The following XPR1 variants were observed in gnomAD, a reference collection of about 807,000 sequenced individuals.
XPR1 encodes the protein xenotropic and polytropic retrovirus receptor 1, also known as solute carrier family 53 member 1.
A neutral mutation model predicts 87.5 loss-of-function variants in XPR1; 28 were observed. The ratio of observed to expected loss-of-function variants is 0.32; its 90% CI spans 0.24 to 0.44. The LOEUF (loss-of-function observed/expected upper bound fraction) is 0.44, where lower values mean the gene tolerates loss of function less well. Among genes scored for constraint, XPR1 ranks in the 20% least tolerant of loss-of-function variants. The pLI is 1.00. For synonymous variants in XPR1, 300 were observed against 306.1 expected, an observed-to-expected ratio of 0.98 and a Z score of 0.21; for missense variants, 559 against 862.3, an observed-to-expected ratio of 0.65 and a Z score of 4.41.
intron 7 of XPR1, among the ~76,000 whole-genome samples, chr1:180,821,076 T>A (rs1189266819): frequency 6.6e-6 from 1 of 152,180 alleles, no homozygotes; most frequent in Admixed American, 6.6e-5. Context: ...TTTATCTGTT[T>A]TTCCTTTTGT....
At chr1:180,673,715 T>C (rs1306034306) in intron 1 of XPR1, among the ~76,000 whole-genome samples, 1 of 152,200 alleles carries the variant, frequency 6.6e-6, no homozygotes, top group African/African-American at 2.4e-5. Context: ...TAACTAATTA[T>C]CTGAAGTGGA....
chr1:180,820,383 AT>A (rs1650582556), intron 7 of XPR1, among the ~76,000 whole-genome samples: 2 of 152,196 alleles, frequency 1.3e-5, no homozygotes, highest in South Asian at 4.1e-4. Flanking sequence ...AATATGTGGT[AT>A]TTTGTGTTTG....
intron 1 of XPR1, among the ~76,000 whole-genome samples, chr1:180,636,634 T>G (rs1256261768): frequency 2.6e-5 from 4 of 152,214 alleles, no homozygotes; most frequent in African/African-American, 7.2e-5. Context: ...AATTCAGTCC[T>G]AATCTGGGAA....
intron 3 of XPR1, among the ~76,000 whole-genome samples, chr1:180,788,715 AT>A (rs996620313): frequency 2.9e-5 from 4 of 139,958 alleles, no homozygotes; most frequent in Non-Finnish European, 6.3e-5. Flanking sequence ...AAATTACTCT[AT>A]TTTTTATTTT....
At chr1:180,824,675 G>A in intron 7 of XPR1, 78 bp from the exon 8 acceptor site, 3 of 1,281,540 alleles carry the variant, frequency 2.3e-6, no homozygotes, top group African/African-American at 3.0e-5. Context: ...CTATATCATT[G>A]AGAATGAAGA....
chr1:180,652,448 T>G (rs73049466), intron 1 of XPR1, among the ~76,000 whole-genome samples: 6,545 of 152,258 alleles, frequency 0.043, 501 homozygotes, highest in African/African-American at 0.15. Flanking sequence ...AATAGGATTG[T>G]TAGACAAAGA....
intron 2 of XPR1, among the ~76,000 whole-genome samples, chr1:180,703,878 G>A (rs1332733009): frequency 2.0e-5 from 3 of 152,046 alleles, no homozygotes; most frequent in Non-Finnish European, 2.9e-5. Flanking sequence ...ACTCAGTAGC[G>A]ATATGAGGTT....
At chr1:180,688,983 G>A (rs1246385552) in intron 2 of XPR1, among the ~76,000 whole-genome samples, 2 of 152,092 alleles carry the variant, frequency 1.3e-5, no homozygotes, top group African/African-American at 4.8e-5. Flanking sequence ...TGCAAGGAAA[G>A]CTTCAAACTT....
chr1:180,772,324 A>C (rs1040778825), intron 2 of XPR1, among the ~76,000 whole-genome samples: 1 of 152,128 alleles, frequency 6.6e-6, no homozygotes, highest in Admixed American at 6.5e-5. Flanking sequence ...TCCCTGACCC[A>C]GCCCTGGAAA....
chr1:180,682,988 A>G (rs912557774), intron 2 of XPR1, among the ~76,000 whole-genome samples: 2 of 151,934 alleles, frequency 1.3e-5, no homozygotes, highest in African/African-American at 2.4e-5. Context: ...TATTATTACT[A>G]TACTTTAAGT....
chr1:180,847,740 G>A (rs189904650), intron 11 of XPR1, among the ~76,000 whole-genome samples: 2 of 152,054 alleles, frequency 1.3e-5, no homozygotes, highest in African/African-American at 2.4e-5. Context: ...TAGATAAAAT[G>A]GACCATTTAT....
At chr1:180,841,616 C>T (rs994145709) in intron 11 of XPR1, among the ~76,000 whole-genome samples, 5 of 152,102 alleles carry the variant, frequency 3.3e-5, no homozygotes, top group African/African-American at 1.2e-4. Flanking sequence ...ATTGTCTTGG[C>T]CAGGGGACTT....
At chr1:180,836,862 T>C (rs550238045) in intron 11 of XPR1, 146 bp downstream of exon 11, 201 of 889,776 alleles carry the variant, frequency 2.3e-4, no homozygotes, top group Non-Finnish European at 3.1e-4. Context: ...CAGTTTGTTC[T>C]TGAATGCAGT....
intron 11 of XPR1, among the ~76,000 whole-genome samples, chr1:180,852,828 T>C (rs910921513): frequency 2.0e-5 from 3 of 152,184 alleles, no homozygotes; most frequent in Admixed American, 1.3e-4. Context: ...CGTCCAGCCT[T>C]CCACATAACT....
intron 14 of XPR1, among the ~76,000 whole-genome samples, chr1:180,880,926 C>CAAT (rs1421829484): frequency 2.0e-5 from 3 of 151,970 alleles, no homozygotes; most frequent in African/African-American, 7.3e-5. Flanking sequence ...AATTTAGAGA[C>CAAT]AATAGATAGC....
intron 3 of XPR1, among the ~76,000 whole-genome samples, chr1:180,798,258 G>A (rs1047312254): frequency 6.6e-6 from 1 of 151,584 alleles, no homozygotes; most frequent in African/African-American, 2.4e-5. Context: ...TTTTTTAAAG[G>A]ACCAATTAGA....
At chr1:180,878,251 T>TA (rs1652723495) in intron 13 of XPR1, 1 of 152,212 alleles carries the variant, frequency 6.6e-6, no homozygotes, top group Non-Finnish European at 1.5e-5. Flanking sequence ...GCTTACTAAC[T>TA]AAATCAAATG....
chr1:180,770,823 G>A (rs189446440), intron 2 of XPR1, among the ~76,000 whole-genome samples: 63 of 151,964 alleles, frequency 4.1e-4, no homozygotes, highest in African/African-American at 1.4e-3. Flanking sequence ...TCTTTCATTT[G>A]GTATTGTTAA....
At chr1:180,821,735 C>G (rs1158312502) in intron 7 of XPR1, among the ~76,000 whole-genome samples, 1 of 152,184 alleles carries the variant, frequency 6.6e-6, no homozygotes, top group South Asian at 2.1e-4. Context: ...TTGTAGTATA[C>G]AGGTCTTTCA....
Sources: gnomAD v4.1 joint callset for allele counts (sites outside exome capture counted in the v4.1 genomes callset) on GRCh38, gnomAD v4.1.1 for gene constraint, MANE v1.5 for transcripts, NCBI Gene and HGNC (gene_info 2026-07-23, HGNC 2026-07-21) for gene names.